The following NPSR1 variants were observed in gnomAD, a reference collection of about 807,000 sequenced individuals.
NPSR1 encodes the protein neuropeptide S receptor 1, also known as neuropeptide S receptor.
In NPSR1, 48 loss-of-function variants were observed where a neutral mutation model predicts 46.9. The ratio of observed to expected loss-of-function variants is 1.02; its 90% CI spans 0.81 to 1.30. The LOEUF is 1.30. Among genes scored for constraint, NPSR1 ranks in the 50% most tolerant of loss-of-function variants. The pLI is 0.00. For missense variants in NPSR1, 450 were observed against 449.5 expected, an observed-to-expected ratio of 1.00 and a Z score of -0.01; for synonymous variants, 176 against 168.1, an observed-to-expected ratio of 1.05 and a Z score of -0.36.
intron 2 of NPSR1, among the ~76,000 whole-genome samples, chr7:34,741,977 T>C (rs1345981227): frequency 6.6e-6 from 1 of 152,244 alleles, no homozygotes; most frequent in South Asian, 2.1e-4. Flanking sequence ...TATGGAACCT[T>C]AGAGTTCCCT....
chr7:34,760,407 T>C (rs187295812), intron 2 of NPSR1, among the ~76,000 whole-genome samples: 9 of 152,302 alleles, frequency 5.9e-5, no homozygotes, highest in South Asian at 2.1e-4. Flanking sequence ...GCATTCTTAT[T>C]ACAATTTTAC....
intron 3 of NPSR1, among the ~76,000 whole-genome samples, chr7:34,806,483 A>C (rs1244195827): frequency 6.6e-6 from 1 of 152,132 alleles, no homozygotes; most frequent in Admixed American, 6.5e-5. Flanking sequence ...GAAGAGCAAG[A>C]AACCAGTGTT....
intron 4 of NPSR1, among the ~76,000 whole-genome samples, chr7:34,819,220 A>C (rs2128753008): frequency 6.6e-6 from 1 of 152,302 alleles, no homozygotes; most frequent in African/African-American, 2.4e-5. Context: ...ACAAATTTAC[A>C]AGAGAAAAAA....
intron 8 of NPSR1, chr7:34,849,232 T>C: frequency 2.4e-6 from 2 of 840,610 alleles, no homozygotes; most frequent in Non-Finnish European, 3.9e-6. Context: ...GGTTGAAGTT[T>C]ATATCTTGCC....
At chr7:34,705,837 T>C (rs1794077835) in intron 2 of NPSR1, among the ~76,000 whole-genome samples, 1 of 152,208 alleles carries the variant, frequency 6.6e-6, no homozygotes, top group African/African-American at 2.4e-5. Flanking sequence ...TGTATTTCTA[T>C]ATTTGAGTGT....
intron 8 of NPSR1, among the ~76,000 whole-genome samples, chr7:34,871,774 G>T (rs1833091): frequency 0.018 from 2,800 of 151,844 alleles, 181 homozygotes; most frequent in African/African-American, 0.064. Context: ...TTCATGTCCC[G>T]CACCCTGGTA....
At chr7:34,826,620 A>G (rs1789856345) in intron 4 of NPSR1, among the ~76,000 whole-genome samples, 1 of 152,222 alleles carries the variant, frequency 6.6e-6, no homozygotes, top group South Asian at 2.1e-4. Flanking sequence ...CAACGGGTGT[A>G]TTTTAAAGGT....
chr7:34,792,691 A>ATATATATATATT (rs1162825872), intron 3 of NPSR1, among the ~76,000 whole-genome samples: 2 of 95,664 alleles, frequency 2.1e-5, no homozygotes, highest in Admixed American at 1.2e-4. Context: ...ATATATATGT[A>ATATATATATATT]TATATATACG....
At chr7:34,707,239 C>T (rs895492136) in intron 2 of NPSR1, among the ~76,000 whole-genome samples, 18 of 152,128 alleles carry the variant, frequency 1.2e-4, no homozygotes, top group African/African-American at 4.3e-4. Flanking sequence ...TGATCTGGTT[C>T]TAATGGTCCT....
At chr7:34,817,398 CA>C (rs528955647) in intron 4 of NPSR1, among the ~76,000 whole-genome samples, 15 of 8,304 alleles carry the variant, frequency 1.8e-3, no homozygotes, top group Admixed American at 3.1e-3. Context: ...AGACCATTAA[CA>C]GGCTCCAAAA....
chr7:34,696,974 G>A lies in NPSR1; in HGVS notation c.280+12290G>A, dbSNP rs144019418. On this transcript the variant is annotated intron_variant, in intron 2 of 8. Transcript: ENST00000360581. ...AGCTCATGATGTATTTTATGCTTCA[G>A]GAGTTTTTAAGGATACATACCAAAA... 2.4e-4 allele frequency among the ~76,000 whole-genome samples: 37 copies of A among 152,082 alleles called. No individual in the cohort carries two copies. In the East Asian group the frequency reaches 7.1e-3, roughly 29 times the overall value.
intron 8 of NPSR1, among the ~76,000 whole-genome samples, chr7:34,863,875 G>T (rs1189786322): frequency 6.6e-6 from 1 of 151,670 alleles, no homozygotes; most frequent in Non-Finnish European, 1.5e-5. Flanking sequence ...CCATTACTAG[G>T]TATATACCCA....
At chr7:34,762,785 A>G (rs1393400243) in intron 2 of NPSR1, among the ~76,000 whole-genome samples, 2 of 152,210 alleles carry the variant, frequency 1.3e-5, no homozygotes, top group Non-Finnish European at 2.9e-5. Flanking sequence ...AGGACCTTAT[A>G]TTATCAGAAA....
intron 3 of NPSR1, among the ~76,000 whole-genome samples, 185 bp from the exon 4 acceptor site, chr7:34,811,584 CT>C (rs1788988637): frequency 6.6e-6 from 1 of 152,160 alleles, no homozygotes; most frequent in Non-Finnish European, 1.5e-5. Context: ...GGAAACTGCC[CT>C]CTTTCACCCA....
At chr7:34,731,942 A>G (rs746664350) in intron 2 of NPSR1, among the ~76,000 whole-genome samples, 2 of 152,152 alleles carry the variant, frequency 1.3e-5, no homozygotes, top group Non-Finnish European at 1.5e-5. Context: ...GCACCTTGGG[A>G]GGCCAAGGCG....
intron 2 of NPSR1, among the ~76,000 whole-genome samples, chr7:34,749,424 T>C (rs1785389315): frequency 6.6e-6 from 1 of 152,240 alleles, no homozygotes; most frequent in Non-Finnish European, 1.5e-5. Flanking sequence ...GAGCCTATAA[T>C]GTTCCAAACA....
chr7:34,867,633 C>T (rs527919913), intron 8 of NPSR1, among the ~76,000 whole-genome samples: 9 of 151,816 alleles, frequency 5.9e-5, no homozygotes, highest in Non-Finnish European at 1.2e-4. Flanking sequence ...TCCGATATCA[C>T]CCCAGGAGCA....
chr7:34,665,793 T>TAC (rs143482652), intron 1 of NPSR1, among the ~76,000 whole-genome samples: 44 of 151,204 alleles, frequency 2.9e-4, no homozygotes, highest in African/African-American at 6.8e-4. Flanking sequence ...TTCACCTACA[T>TAC]ACACACACAC....
chr7:34,870,574 G>A (rs1026911244), intron 8 of NPSR1, among the ~76,000 whole-genome samples: 4 of 151,736 alleles, frequency 2.6e-5, no homozygotes, highest in Admixed American at 2.0e-4. Context: ...TATGTAAATG[G>A]TTGGACTGGT....
Sources: gnomAD v4.1 joint callset for allele counts (sites outside exome capture counted in the v4.1 genomes callset) on GRCh38, gnomAD v4.1.1 for gene constraint, MANE v1.5 for transcripts, NCBI Gene and HGNC (gene_info 2026-07-23, HGNC 2026-07-21) for gene names.